CCDC9: variants seen among roughly 807,000 people sequenced by gnomAD.
CCDC9 encodes coiled-coil domain containing 9, also known as coiled-coil domain-containing protein 9.
Under a neutral mutation model 65.6 loss-of-function variants are expected in CCDC9, and 52 were observed. The observed-to-expected ratio is 0.79, with a 90% CI of 0.63 to 1.00. The LOEUF is 1.00. Ranked by LOEUF, CCDC9 falls within the 50% of genes least tolerant of loss-of-function variation. CCDC9 has a pLI of 0.00. For missense variants in CCDC9, 834 were observed against 757.2 expected (o/e 1.10, Z -1.19); for synonymous variants, 332 against 280.3 (o/e 1.18, Z -1.84).
intron 8 of CCDC9, among the ~76,000 whole-genome samples, chr19:47,269,095 G>T (rs2059100234): frequency 6.6e-6 from 1 of 151,910 alleles, no homozygotes; most frequent in Admixed American, 6.6e-5. Context: ...CACAGAGCAA[G>T]ACCCTATCTC....
chr19:47,266,510 T>A (rs530116709), intron 7 of CCDC9, 101 bp from the exon 8 acceptor site: 2 of 1,430,992 alleles, frequency 1.4e-6, no homozygotes, highest in Admixed American at 6.0e-5. Context: ...TGCCTTGTCA[T>A]CGCTTCCCTG....
At chr19:47,264,484 C>T in intron 5 of CCDC9, 119 bp from the exon 6 acceptor site, 1 of 918,108 alleles carries the variant, frequency 1.1e-6, no homozygotes, top group Non-Finnish European at 1.7e-6. Flanking sequence ...AGCAAATGGT[C>T]AGATGCCAGC....
chr19:47,259,591 TGA>T (rs958029111), intron 3 of CCDC9, among the ~76,000 whole-genome samples: 9 of 152,158 alleles, frequency 5.9e-5, no homozygotes, highest in Non-Finnish European at 8.8e-5. Context: ...TGGCTCTCCC[TGA>T]GATGGGATCT....
chr19:47,270,571 GGCCCCCGAA>G lies in CCDC9; in HGVS notation c.975_983del (p.Lys326_Pro328del). Reference sequence around the variant, plus strand: ...GTTGCAGATGACCAGGCCTGGGCCCGGCCCCCGAAGCCCCCTACTTTTGGGGAGTTCCTG... The same window carrying G: ...GTTGCAGATGACCAGGCCTGGGCCCGGCCCCCTACTTTTGGGGAGTTCCTG... On this transcript the variant is annotated inframe_deletion, in exon 10 of 12. Coordinates refer to ENST00000221922, the MANE Select transcript of CCDC9 (RefSeq NM_015603.3). 4 of 1,613,962 alleles carry G rather than the reference GGCCCCCGAA, an allele frequency of 2.5e-6. No homozygotes were observed. Among genetic ancestry groups the G allele is most frequent in the Non-Finnish European group, 3.4e-6 (4 of 1,180,010 alleles).
chr19:47,271,536 C>T lies in CCDC9; in HGVS notation c.1454C>T (p.Thr485Met), dbSNP rs374841661. 84 of 1,613,128 alleles carry T rather than the reference C, an allele frequency of 5.2e-5. No homozygotes were observed. Among genetic ancestry groups the T allele is most frequent in the East Asian group, 6.7e-5 (3 of 44,864 alleles). ...EPLLEPQAPG[T>M]PSSPFSPPSG... ...CTGCTGGAGCCCCAGGCCCCTGGCA[C>T]GCCTTCCAGCCCTTTCTCACCACCC... is the stretch of plus-strand genomic sequence containing the variant. The change falls in exon 12 of 12, where the codon ACG becomes ATG. Residue 485 changes from threonine to methionine, a missense_variant. Physicochemically the swap from Thr to Met is moderately conservative, Grantham distance 81. Transcript: ENST00000221922.
intron 8 of CCDC9, among the ~76,000 whole-genome samples, chr19:47,267,526 C>A (rs1441661839): frequency 6.6e-6 from 1 of 152,178 alleles, no homozygotes; most frequent in Admixed American, 6.5e-5. Flanking sequence ...TGAATTCACT[C>A]TGCGCCAGGG....
chr19:47,259,956 C>T (rs1483511498), intron 3 of CCDC9, among the ~76,000 whole-genome samples: 1 of 152,186 alleles, frequency 6.6e-6, no homozygotes, highest in Non-Finnish European at 1.5e-5. Flanking sequence ...GAAAAGTGTT[C>T]CTGGCAGAGG....
rs111247445 is a variant in CCDC9 at position 47,258,182 on chromosome 19, G to A, written c.-71-148G>A. The A allele has an allele frequency of 3.2e-3, 1,948 of 599,652 alleles. 29 individuals are homozygous for A. The highest frequency in any genetic ancestry group is 0.032 in the African/African-American group (1,725 of 53,874). 37.1% of individuals were successfully genotyped at this position (599,652 alleles called of 1,614,324 possible). Reference sequence around the variant, plus strand: ...GAATTTCTATGGAGAAGATGGAGGTGGCAGTTGAAAGGAGGGAGAGTGAGG... The same window carrying A: ...GAATTTCTATGGAGAAGATGGAGGTAGCAGTTGAAAGGAGGGAGAGTGAGG... On this transcript the variant is annotated intron_variant, in intron 1 of 11. Transcript: ENST00000221922.
intron 7 of CCDC9, among the ~76,000 whole-genome samples, chr19:47,265,959 T>G (rs2059078973): frequency 1.4e-5 from 2 of 145,260 alleles, no homozygotes; most frequent in South Asian, 2.2e-4. Context: ...GTGCTGAGAT[T>G]ACAGGCGTGA....
At chr19:47,273,045 G>T (rs911295615), downstream of CCDC9, among the ~76,000 whole-genome samples, 1 of 150,548 alleles carries the variant, frequency 6.6e-6, no homozygotes. Context: ...GGGCGGGGGT[G>T]GGAGAGGACA....
chr19:47,275,190 G>T, downstream of CCDC9: 12 of 1,484,642 alleles, frequency 8.1e-6, no homozygotes, highest in Non-Finnish European at 1.1e-5. Context: ...GCCCGCCGCT[G>T]CCTCCCTCTC....
chr19:47,259,679 T>C (rs982328107), intron 3 of CCDC9, among the ~76,000 whole-genome samples: 5 of 152,314 alleles, frequency 3.3e-5, no homozygotes, highest in African/African-American at 1.2e-4. Context: ...GAATTTCCCT[T>C]GTGGGCCAGG....
chr19:47,274,997 C>G, downstream of CCDC9: 1 of 1,471,756 alleles, frequency 6.8e-7, no homozygotes. Context: ...CGCGGGGGCG[C>G]TGGCTGCGCT....
intron 1 of CCDC9, 127 bp from the exon 2 acceptor site, chr19:47,258,203 T>G (rs2059023241): frequency 1.6e-6 from 1 of 607,666 alleles, no homozygotes; most frequent in African/African-American, 1.9e-5. Flanking sequence ...GGAGGGAGAG[T>G]GAGGGCTACA....
chr19:47,258,593 A>G lies in CCDC9; in HGVS notation c.38A>G (p.Lys13Arg), dbSNP rs781414088. 5 of 1,614,152 alleles carry G rather than the reference A, an allele frequency of 3.1e-6. No homozygotes were observed. Among genetic ancestry groups the G allele is most frequent in the Middle Eastern group, 1.6e-4 (1 of 6,062 alleles). The change falls in exon 3 of 12, where the codon AAG (lysine) becomes AGG (arginine). Residue 13 changes from lysine (K) to arginine (R), a missense_variant. Coordinates refer to ENST00000221922, the MANE Select transcript of CCDC9 (RefSeq NM_015603.3). ...ATLDLKSKEE[K>R]DAELDKRIEA... ...CTCGATTTGAAATCAAAGGAGGAGA[A>G]GGATGCTGAGTTGGACAAGAGGATC...
intron 7 of CCDC9, among the ~76,000 whole-genome samples, 174 bp downstream of exon 7, chr19:47,265,120 C>G (rs887607081): frequency 6.6e-6 from 1 of 151,992 alleles, no homozygotes; most frequent in African/African-American, 2.4e-5. Flanking sequence ...TGCAGTGGCA[C>G]CATCTCGGCT....
At chr19:47,258,442 G>C in intron 2 of CCDC9, 39 bp downstream of exon 2, 1 of 1,613,786 alleles carries the variant, frequency 6.2e-7, no homozygotes, top group Non-Finnish European at 8.5e-7. Context: ...TCTGAGTTTT[G>C]GGGAAGGGGG....
At position 47,271,096 on chromosome 19, in the gene CCDC9, G is replaced by A. The variant is rs747114434; in HGVS notation, c.1100G>A (p.Arg367His). ...APRAYSDHDD[R>H]WETKEGAASP... The stretch of plus-strand genomic sequence containing the variant: ...GTTCCCTCTAGTGACCATGATGACC[G>A]CTGGGAGACAAAAGAAGGGGCAGCA... Residue 367 changes from arginine to histidine, a missense_variant, in exon 11 of 12, where the codon CGC (arginine) becomes CAC (histidine). Physicochemically the swap from Arg to His is conservative, Grantham distance 29. Coordinates refer to ENST00000221922, the MANE Select transcript of CCDC9 (RefSeq NM_015603.3). 6.4e-6 allele frequency: 10 copies of A among 1,555,366 alleles called. No homozygotes were observed. In the Middle Eastern group the frequency reaches 5.0e-4, roughly 78 times the overall value.
At chr19:47,266,842 C>T in intron 8 of CCDC9, 50 bp downstream of exon 8, 1 of 1,557,638 alleles carries the variant, frequency 6.4e-7, no homozygotes, top group Non-Finnish European at 8.7e-7. Flanking sequence ...GACCTTGGCC[C>T]TGACTTCTAA....
Sources: allele counts gnomAD v4.1 joint callset (sites outside exome capture counted in the v4.1 genomes callset), GRCh38; gene constraint gnomAD v4.1.1; transcripts MANE v1.5; gene names NCBI Gene and HGNC (gene_info 2026-07-23, HGNC 2026-07-21).